MAP2K4: variants seen among roughly 807,000 people sequenced by gnomAD.
The protein encoded by MAP2K4 is dual specificity mitogen-activated protein kinase kinase 4.
In MAP2K4, 4 loss-of-function variants were observed where a neutral mutation model predicts 48.5. That is an observed-to-expected ratio of 0.08 (90% confidence interval 0.04 to 0.19). The LOEUF is 0.19. Ranked by LOEUF, MAP2K4 falls within the 10% of genes least tolerant of loss-of-function variation. MAP2K4 has a pLI of 1.00. For missense variants in MAP2K4, 258 were observed against 493.3 expected (o/e 0.52, Z 4.52); for synonymous variants, 166 against 173.1 (o/e 0.96, Z 0.32).
At chr17:12,064,707 A>T (rs544956776) in intron 2 of MAP2K4, among the ~76,000 whole-genome samples, 1 of 152,174 alleles carries the variant, frequency 6.6e-6, no homozygotes, top group African/African-American at 2.4e-5. Flanking sequence ...CAGCAGTCCT[A>T]CCTTTTGTTA....
chr17:12,073,326 T>C (rs1372331577), intron 2 of MAP2K4, among the ~76,000 whole-genome samples: 1 of 152,202 alleles, frequency 6.6e-6, no homozygotes, highest in African/African-American at 2.4e-5. Flanking sequence ...TGAAGTGTAC[T>C]AGGTGGAAGT....
chr17:12,092,044 A>G (rs1391246471), intron 3 of MAP2K4, among the ~76,000 whole-genome samples: 28 of 152,156 alleles, frequency 1.8e-4, no homozygotes, highest in Non-Finnish European at 5.9e-5. Context: ...GTAACCCCAT[A>G]ATGAAAAAGA....
intron 2 of MAP2K4, among the ~76,000 whole-genome samples, chr17:12,067,217 C>T (rs1159155880): frequency 1.3e-5 from 2 of 152,166 alleles, no homozygotes; most frequent in Non-Finnish European, 2.9e-5. Flanking sequence ...AGATTATTTT[C>T]ATTGTTGAAT....
At chr17:12,096,060 C>G in intron 4 of MAP2K4, among the ~76,000 whole-genome samples, 1 of 35,574 alleles carries the variant, frequency 2.8e-5, no homozygotes, top group Non-Finnish European at 5.0e-5. Context: ...GGGCCTTGAG[C>G]AACGCCTCCC....
At chr17:12,088,284 A>C (rs544995031) in intron 3 of MAP2K4, among the ~76,000 whole-genome samples, 2 of 151,718 alleles carry the variant, frequency 1.3e-5, no homozygotes, top group South Asian at 4.1e-4. Context: ...CAGTAACCTT[A>C]AGAGGGATCT....
intron 4 of MAP2K4, among the ~76,000 whole-genome samples, chr17:12,099,418 T>A (rs539181614): frequency 1.3e-5 from 2 of 152,230 alleles, no homozygotes; most frequent in Non-Finnish European, 2.9e-5. Flanking sequence ...GTAGTAGGAT[T>A]GCTGGATCAA....
At chr17:12,069,807 G>A (rs769565873) in intron 2 of MAP2K4, 10 of 689,570 alleles carry the variant, frequency 1.5e-5, no homozygotes, top group South Asian at 1.7e-5. Context: ...TCTAGAGATC[G>A]TAACAGTACG....
rs1252105147 is a variant in MAP2K4 at position 12,142,312 on chromosome 17, C to G, written c.*1052C>G. On this transcript the variant is annotated 3_prime_UTR_variant, in exon 11 of 11. Coordinates refer to ENST00000353533, the MANE Select transcript of MAP2K4 (RefSeq NM_003010.4). The stretch of plus-strand genomic sequence containing the variant: ...TCTAGTAGGCAGCAAAAGACCAAAT[C>G]TCAGTTGTTTGCTTCTTGCCATCAC... 4.3e-6 allele frequency: 1 copy of G among 233,400 alleles called. No homozygotes were observed. Among genetic ancestry groups the G allele is most frequent in the Non-Finnish European group, 8.5e-6 (1 of 117,992 alleles). 14.5% of individuals were successfully genotyped at this position (233,400 alleles called of 1,614,324 possible). A position where few individuals can be genotyped will look rare whatever the true frequency, so the allele number is the denominator to read the frequency against.
Position 12,020,912 on chromosome 17 carries a change from G to C in MAP2K4, c.26G>C (p.Gly9Ala). 2 of 1,217,202 alleles carry C rather than the reference G, an allele frequency of 1.6e-6. No individual in the cohort carries two copies. The allele number at this position is 1,217,202 out of a possible 1,614,324, so 75.4% of individuals were successfully genotyped here. Residue 9 changes from glycine (G) to alanine (A), a missense_variant, in exon 1 of 11, where the codon GGC becomes GCC. Gly to Ala is a moderately conservative substitution (Grantham distance 60). Coordinates refer to ENST00000353533, the MANE Select transcript of MAP2K4 (RefSeq NM_003010.4). Reference protein sequence around the residue: MAAPSPSGGGGSGGGSGSG... With the variant: MAAPSPSGAGGSGGGSGSG... Reference sequence around the variant, plus strand: ...ATGGCGGCTCCGAGCCCGAGCGGCGGCGGCGGCTCCGGGGGCGGCAGCGGC... The same window carrying C: ...ATGGCGGCTCCGAGCCCGAGCGGCGCCGGCGGCTCCGGGGGCGGCAGCGGC...
chr17:12,080,579 T>A (rs1971157281), intron 2 of MAP2K4, among the ~76,000 whole-genome samples: 1 of 152,194 alleles, frequency 6.6e-6, no homozygotes, highest in Non-Finnish European at 1.5e-5. Context: ...TACGAGCCAC[T>A]CATTTTTTAT....
rs28921084 is a variant in MAP2K4 at position 12,133,350 on chromosome 17, G to C, written c.1040+4063G>C. Among the ~76,000 whole-genome samples the C allele has an allele frequency of 5.9e-5, 9 of 152,310 alleles. No individual in the cohort carries two copies. The East Asian group carries it at 1.7e-3, about 29-fold the overall frequency. On this transcript the variant is annotated intron_variant, in intron 9 of 10. Transcript: ENST00000353533. ...GCCCGCTTCAGCCTCCCAGAGTGCTGGGATTACAGGCGTGAGCCACTGCGC... is the reference window on the plus strand; with the variant it reads ...GCCCGCTTCAGCCTCCCAGAGTGCTCGGATTACAGGCGTGAGCCACTGCGC...
intron 2 of MAP2K4, among the ~76,000 whole-genome samples, chr17:12,062,059 T>TC (rs1268752539): frequency 4.9e-4 from 68 of 139,774 alleles, no homozygotes; most frequent in South Asian, 3.1e-3. Context: ...TCTCCCCCTC[T>TC]CCCCCCCCTT....
intron 1 of MAP2K4, among the ~76,000 whole-genome samples, chr17:12,035,468 A>T (rs1969563910): frequency 6.6e-6 from 1 of 152,192 alleles, no homozygotes; most frequent in Non-Finnish European, 1.5e-5. Flanking sequence ...GTGAGCCGAG[A>T]TTGTGCCATG....
chr17:12,108,548 T>C (rs944378729), intron 5 of MAP2K4, among the ~76,000 whole-genome samples: 3 of 123,996 alleles, frequency 2.4e-5, no homozygotes, highest in African/African-American at 8.3e-5. Flanking sequence ...TGTTTCTTGC[T>C]CTGAATCTTA....
At chr17:12,063,068 A>G (rs1217852741) in intron 2 of MAP2K4, among the ~76,000 whole-genome samples, 2 of 152,122 alleles carry the variant, frequency 1.3e-5, no homozygotes, top group South Asian at 2.1e-4. Context: ...TGACATTGCT[A>G]TATTGATTCA....
chr17:12,137,236 C>T (rs1316046596), intron 9 of MAP2K4, among the ~76,000 whole-genome samples: 1 of 152,088 alleles, frequency 6.6e-6, no homozygotes, highest in Non-Finnish European at 1.5e-5. Flanking sequence ...CATGTTATTT[C>T]AAAATGAGTC....
intron 3 of MAP2K4, among the ~76,000 whole-genome samples, chr17:12,083,720 A>G (rs1971269133): frequency 6.6e-6 from 1 of 152,236 alleles, no homozygotes; most frequent in Non-Finnish European, 1.5e-5. Flanking sequence ...TGCATTTATT[A>G]TTGGTTTCTT....
intron 1 of MAP2K4, chr17:12,021,497 A>T (rs1487376628): frequency 6.6e-6 from 1 of 151,788 alleles, no homozygotes; most frequent in Non-Finnish European, 1.5e-5. Flanking sequence ...GCTCAGGGCC[A>T]TCTTGGCTGT....
At chr17:12,102,564 C>T (rs1182409200) in intron 4 of MAP2K4, among the ~76,000 whole-genome samples, 1 of 151,884 alleles carries the variant, frequency 6.6e-6, no homozygotes, top group Non-Finnish European at 1.5e-5. Flanking sequence ...ATTTCTTCTT[C>T]CTGAATTTTC....
Sources: gnomAD v4.1 joint callset for allele counts (sites outside exome capture counted in the v4.1 genomes callset) on GRCh38, gnomAD v4.1.1 for gene constraint, MANE v1.5 for transcripts, NCBI Gene and HGNC (gene_info 2026-07-23, HGNC 2026-07-21) for gene names.